Variants in CCSER2 observed in about 807,000 individuals in gnomAD.
CCSER2 encodes coiled-coil serine rich protein 2, also known as serine-rich coiled-coil domain-containing protein 2.
In CCSER2, 46 loss-of-function variants were observed where a neutral mutation model predicts 92.3. The observed-to-expected ratio is 0.50, with a 90% CI of 0.39 to 0.64. CCSER2 has a LOEUF of 0.64. CCSER2 is among the 30% of genes least tolerant of loss of function. CCSER2 has a pLI of 0.00. For synonymous variants in CCSER2, 433 were observed against 431.4 expected (o/e 1.00, Z -0.04); for missense variants, 1,244 against 1,238.9 (o/e 1.00, Z -0.06).
At chr10:84,465,869 G>A (rs1300895922) in intron 7 of CCSER2, among the ~76,000 whole-genome samples, 1 of 151,946 alleles carries the variant, frequency 6.6e-6, no homozygotes, top group Non-Finnish European at 1.5e-5. Context: ...TTCTGCCTCA[G>A]CCTCCCGAGT....
chr10:84,443,071 C>G (rs1396908046), intron 6 of CCSER2, among the ~76,000 whole-genome samples: 1 of 152,132 alleles, frequency 6.6e-6, no homozygotes, highest in Non-Finnish European at 1.5e-5. Context: ...AAATACCATT[C>G]AGGACATAGA....
At chr10:84,436,265 G>T (rs1564660744) in intron 5 of CCSER2, among the ~76,000 whole-genome samples, 1 of 137,882 alleles carries the variant, frequency 7.3e-6, no homozygotes, top group Non-Finnish European at 1.5e-5. Context: ...GGCGGAGCTT[G>T]CAGTGAGCCG....
intron 7 of CCSER2, among the ~76,000 whole-genome samples, chr10:84,466,786 T>C (rs961341112): frequency 2.0e-5 from 3 of 152,164 alleles, no homozygotes; most frequent in Non-Finnish European, 4.4e-5. Flanking sequence ...GTGCTGGGAT[T>C]ACAGGCGTAA....
intron 4 of CCSER2, among the ~76,000 whole-genome samples, chr10:84,419,791 C>T (rs894407911): frequency 1.3e-5 from 2 of 152,194 alleles, no homozygotes; most frequent in African/African-American, 2.4e-5. Context: ...GATTGAATTG[C>T]AGCACAATTC....
chr10:84,406,686 C>G (rs1196526232), intron 3 of CCSER2, among the ~76,000 whole-genome samples: 1 of 152,174 alleles, frequency 6.6e-6, no homozygotes, highest in African/African-American at 2.4e-5. Context: ...TAATGGTCTA[C>G]TAAGGAAAAC....
Position 84,496,730 on chromosome 10 carries a change from A to AT in CCSER2, c.2326-16709dup, listed in dbSNP as rs1055285140. The stretch of plus-strand genomic sequence containing the variant: ...GGCTAGAGTGTGCAGGCTTTCTTAA[A>AT]TTTTTTTTTTGTGTGTGTTCCTTGT... On this transcript the variant is annotated intron_variant, in intron 9 of 9. Transcript: ENST00000372088. Among the ~76,000 whole-genome samples the AT allele has an allele frequency of 4.9e-4, 73 of 150,338 alleles. 1 individual carries two copies. The highest frequency in any genetic ancestry group is 2.7e-3 in the East Asian group (14 of 5,142).
intron 1 of CCSER2, among the ~76,000 whole-genome samples, chr10:84,348,309 A>T (rs1185735301): frequency 4.6e-5 from 7 of 152,230 alleles, no homozygotes; most frequent in African/African-American, 1.7e-4. Context: ...AAAACCAGTC[A>T]GGCGTGGCGG....
intron 6 of CCSER2, among the ~76,000 whole-genome samples, chr10:84,444,967 C>T (rs1305104315): frequency 6.6e-6 from 1 of 152,114 alleles, no homozygotes; most frequent in Non-Finnish European, 1.5e-5. Flanking sequence ...TTTAATTGTG[C>T]TTTGCAAGAT....
At chr10:84,441,808 G>C (rs561204866) in intron 6 of CCSER2, among the ~76,000 whole-genome samples, 1 of 134,344 alleles carries the variant, frequency 7.4e-6, no homozygotes, top group Non-Finnish European at 1.5e-5. Context: ...TCAGGCTGGA[G>C]TGCAGTGGCG....
intron 3 of CCSER2, among the ~76,000 whole-genome samples, chr10:84,410,716 G>A (rs1375417302): frequency 6.6e-6 from 1 of 152,120 alleles, no homozygotes; most frequent in Non-Finnish European, 1.5e-5. Flanking sequence ...TCCATAGGTT[G>A]TCTGTTCACC....
intron 1 of CCSER2, among the ~76,000 whole-genome samples, chr10:84,368,093 C>T (rs1845876355): frequency 6.6e-6 from 1 of 152,148 alleles, no homozygotes; most frequent in Non-Finnish European, 1.5e-5. Flanking sequence ...TTGGCAGATC[C>T]TGGTGATGCC....
rs1293750171 is a variant in CCSER2 at position 84,514,112 on chromosome 10, C to G, written c.2989C>G (p.Gln997Glu). 6.5e-7 allele frequency: 1 copy of G among 1,536,218 alleles called. No homozygotes were observed. ...SFKQKQTNSP[Q>E]LEPQSFQAKT... ...CAAACAAAAACAAACAAACAGCCCCCAACTAGAGCCTCAAAGCTTCCAGGC... is the reference window on the plus strand; with the variant it reads ...CAAACAAAAACAAACAAACAGCCCCGAACTAGAGCCTCAAAGCTTCCAGGC... The change falls in exon 10 of 10, where the codon CAA (glutamine) becomes GAA (glutamate). Residue 997 changes from glutamine to glutamate, a missense_variant. Coordinates refer to ENST00000372088, the MANE Select transcript of CCSER2 (RefSeq NM_001284240.2).
intron 9 of CCSER2, among the ~76,000 whole-genome samples, chr10:84,488,909 A>G (rs1448781860): frequency 6.6e-6 from 1 of 152,158 alleles, no homozygotes; most frequent in East Asian, 1.9e-4. Flanking sequence ...CACTGCTTCA[A>G]ATGTGTCCCA....
chr10:84,329,758 T>G (rs1843458971), intron 1 of CCSER2, among the ~76,000 whole-genome samples: 1 of 152,222 alleles, frequency 6.6e-6, no homozygotes, highest in African/African-American at 2.4e-5. Context: ...AAAACATGTC[T>G]TATCCGTCAT....
chr10:84,348,913 A>G (rs922015809), intron 1 of CCSER2, among the ~76,000 whole-genome samples: 24 of 152,242 alleles, frequency 1.6e-4, no homozygotes, highest in African/African-American at 5.8e-4. Context: ...ATATGTTTAT[A>G]TGCATATTAT....
At chr10:84,411,145 T>C (rs6585860) in intron 3 of CCSER2, among the ~76,000 whole-genome samples, 130,977 of 152,078 alleles carry the variant, frequency 0.86, 56,466 homozygotes, top group East Asian at 0.9. Context: ...ATACCAGTAC[T>C]GTGCTGTTTT....
chr10:84,452,597 GTTAACTGTGAA>G (rs1265704341), intron 6 of CCSER2, among the ~76,000 whole-genome samples: 1 of 152,128 alleles, frequency 6.6e-6, no homozygotes, highest in Admixed American at 6.6e-5. Flanking sequence ...TAGACAGTTG[GTTAACTGTGAA>G]TTACTTATTT....
At chr10:84,374,116 A>C in intron 3 of CCSER2, 1 of 520,782 alleles carries the variant, frequency 1.9e-6, no homozygotes, top group Non-Finnish European at 3.1e-6. Flanking sequence ...GGAGGAGGTC[A>C]ATGACTGGAG....
At chr10:84,475,855 T>G (rs1847105016) in intron 8 of CCSER2, among the ~76,000 whole-genome samples, 1 of 152,138 alleles carries the variant, frequency 6.6e-6, no homozygotes, top group South Asian at 2.1e-4. Flanking sequence ...ATTTTGGAGT[T>G]AGAGTCTCAC....
Sources: allele counts gnomAD v4.1 joint callset (sites outside exome capture counted in the v4.1 genomes callset), GRCh38; gene constraint gnomAD v4.1.1; transcripts MANE v1.5; gene names NCBI Gene and HGNC (gene_info 2026-07-23, HGNC 2026-07-21).